Variants in BCAS3 observed in about 807,000 individuals in gnomAD.
BCAS3 encodes BCAS4/BCAS3 fusion.
BCAS3 carries 53 observed loss-of-function variants against 116.1 expected under a neutral mutation model. The observed-to-expected ratio is 0.46, with a 90% CI of 0.37 to 0.57. BCAS3 has a LOEUF of 0.57. Ranked by LOEUF, BCAS3 falls within the 20% of genes least tolerant of loss-of-function variation. BCAS3 has a pLI of 0.00. For missense variants in BCAS3, 917 were observed against 1,165.4 expected (o/e 0.79, Z 3.10); for synonymous variants, 391 against 408.2 (o/e 0.96, Z 0.51).
chr17:60,838,007 A>C (rs9903490), intron 7 of BCAS3, among the ~76,000 whole-genome samples: 33,294 of 152,080 alleles, frequency 0.22, 4,707 homozygotes, highest in African/African-American at 0.41. Flanking sequence ...TAAATTAAAA[A>C]ATTTTAAAGC....
At chr17:60,739,595 G>A (rs1229713993) in intron 5 of BCAS3, among the ~76,000 whole-genome samples, 1 of 151,998 alleles carries the variant, frequency 6.6e-6, no homozygotes, top group African/African-American at 2.4e-5. Context: ...ACTCCAGCCT[G>A]GGCGACAAGA....
chr17:61,060,483 G>GA (rs777200081), intron 19 of BCAS3, among the ~76,000 whole-genome samples: 33 of 151,386 alleles, frequency 2.2e-4, no homozygotes, highest in Middle Eastern at 3.4e-3. Context: ...TGTTATGTGG[G>GA]AAAAAAAACC....
Position 61,078,344 on chromosome 17 carries a change from A to G in BCAS3, c.2142A>G (p.Val714=). 1 of 1,612,316 alleles carries G rather than the reference A, an allele frequency of 6.2e-7. No individual in the cohort carries two copies. Among genetic ancestry groups the G allele is most frequent in the Non-Finnish European group, 8.5e-7 (1 of 1,179,360 alleles). ...DEEWLSQVEI[V]THTGPHRRLW... is the part of the protein sequence containing the mutation. ...CTACTCCATTCCAGGTTGAAATTGT[A>G]ACACACACTGGACCCCATAGACGTC... Residue 714 remains valine (V), a synonymous_variant, in exon 21 of 24, where the codon GTA becomes GTG. Transcript: ENST00000407086.
At chr17:60,745,084 T>TA (rs1160750667) in intron 5 of BCAS3, among the ~76,000 whole-genome samples, 2 of 152,062 alleles carry the variant, frequency 1.3e-5, no homozygotes, top group African/African-American at 4.8e-5. Flanking sequence ...TTCTTTAACA[T>TA]AAAGGTTTTA....
intron 14 of BCAS3, among the ~76,000 whole-genome samples, chr17:60,951,282 A>G (rs1469210894): frequency 6.6e-6 from 1 of 152,130 alleles, no homozygotes; most frequent in Non-Finnish European, 1.5e-5. Context: ...ATATTATGCA[A>G]CTGTAGTAGT....
chr17:61,162,241 G>A lies in BCAS3; in HGVS notation c.2425+77677G>A, dbSNP rs1444570566. 6.6e-6 allele frequency among the ~76,000 whole-genome samples: 1 copy of A among 152,090 alleles called. No homozygotes were observed. The highest frequency in any genetic ancestry group is 1.5e-5 in the Non-Finnish European group (1 of 68,012). On this transcript the variant is annotated intron_variant, in intron 22 of 23. Transcript: ENST00000407086. The surrounding 1 kb of genome is among the most constrained non-coding windows in gnomAD (Gnocchi z 5.6). ...TGGAGCCACGGTTCTTACAGGAGTG[G>A]GTATGGTTCACATAGGAAGTGGGAG...
chr17:61,058,537 C>T (rs1395756085), intron 19 of BCAS3, among the ~76,000 whole-genome samples: 1 of 152,110 alleles, frequency 6.6e-6, no homozygotes, highest in East Asian at 1.9e-4. Flanking sequence ...GCATCATGTA[C>T]ACCTTTAAAT....
At chr17:60,717,318 C>T (rs914049014) in intron 5 of BCAS3, among the ~76,000 whole-genome samples, 3 of 151,286 alleles carry the variant, frequency 2.0e-5, no homozygotes, top group African/African-American at 4.9e-5. Context: ...CAGGTTCAAG[C>T]GATTCTCCTG....
chr17:60,904,847 A>G (rs1248658591), intron 11 of BCAS3, among the ~76,000 whole-genome samples: 3 of 152,050 alleles, frequency 2.0e-5, no homozygotes, highest in Non-Finnish European at 4.4e-5. Flanking sequence ...TTTTTAAAAA[A>G]CTCACAAAGA....
intron 22 of BCAS3, among the ~76,000 whole-genome samples, chr17:61,335,416 T>C (rs1222478897): frequency 6.6e-6 from 1 of 152,224 alleles, no homozygotes; most frequent in Non-Finnish European, 1.5e-5. Flanking sequence ...GGTCTGGGCC[T>C]TTTTTCCAGT....
intron 14 of BCAS3, among the ~76,000 whole-genome samples, chr17:60,959,365 C>T (rs1006972791): frequency 6.6e-6 from 1 of 151,768 alleles, no homozygotes; most frequent in African/African-American, 2.4e-5. Flanking sequence ...TATTCCAAAG[C>T]CCATTAAAGA....
Position 61,205,787 on chromosome 17 carries a change from G to T in BCAS3, c.2425+121223G>T, listed in dbSNP as rs187802618. Among the ~76,000 whole-genome samples, 1 of 152,132 alleles carries T rather than the reference G, an allele frequency of 6.6e-6. No individual in the cohort carries two copies. Among genetic ancestry groups the T allele is most frequent in the African/African-American group, 2.4e-5 (1 of 41,436 alleles). On this transcript the variant is annotated intron_variant, in intron 22 of 23. Transcript: ENST00000407086. This position sits in a 1 kb window ranked among gnomAD's most constrained non-coding sequence, Gnocchi z 5.2. ...AAGTTTCTGAAGCTTTGTAGGAGCC[G>T]CAGAGTGTACCTAGTTTTGCCAGGC...
At chr17:61,270,513 C>G (rs2050151363) in intron 22 of BCAS3, among the ~76,000 whole-genome samples, 1 of 152,078 alleles carries the variant, frequency 6.6e-6, no homozygotes, top group African/African-American at 2.4e-5. Flanking sequence ...ATCAGATACA[C>G]AGTTTGCAGA....
chr17:61,327,027 C>T lies in BCAS3; in HGVS notation c.2426-41300C>T, dbSNP rs569556040. Among the ~76,000 whole-genome samples the T allele has an allele frequency of 4.6e-5, 7 of 152,066 alleles. No homozygotes were observed. Among genetic ancestry groups the T allele is most frequent in the South Asian group, 2.1e-4 (1 of 4,808 alleles). On this transcript the variant is annotated intron_variant, in intron 22 of 23. Transcript: ENST00000407086. This position sits in a 1 kb window ranked among gnomAD's most constrained non-coding sequence, Gnocchi z 5.9. ...TTTTTAATTAAAAAACAAAACAGGC[C>T]GGGCGCGGTGGCTCACACCTGTAAT... is the stretch of plus-strand genomic sequence containing the variant.
chr17:60,731,816 T>C (rs546945416), intron 5 of BCAS3, among the ~76,000 whole-genome samples: 8 of 150,930 alleles, frequency 5.3e-5, no homozygotes, highest in Non-Finnish European at 1.0e-4. Context: ...TCTCATTTTG[T>C]CGCCCAGGCT....
At position 60,956,252 on chromosome 17, in the gene BCAS3, CACTTTCTGAGCTTGTCCTT is replaced by C. The variant is rs1215176667; in HGVS notation, c.1221+8909_1221+8927del. Among the ~76,000 whole-genome samples, 1 of 152,198 alleles carries C rather than the reference CACTTTCTGAGCTTGTCCTT, an allele frequency of 6.6e-6. No individual in the cohort carries two copies. Among genetic ancestry groups the C allele is most frequent in the Non-Finnish European group, 1.5e-5 (1 of 68,034 alleles). ...CTGTGTCCTTTTGACATATCTTCAC[CACTTTCTGAGCTTGTCCTT>C]ACTTTCTGGCACAACTAACTTGCTT... On this transcript the variant is annotated intron_variant, in intron 14 of 23. Transcript: ENST00000407086. This position sits in a 1 kb window ranked among gnomAD's most constrained non-coding sequence, Gnocchi z 4.2.
intron 22 of BCAS3, among the ~76,000 whole-genome samples, chr17:61,146,065 C>G (rs773109862): frequency 2.0e-5 from 3 of 151,978 alleles, no homozygotes; most frequent in Non-Finnish European, 4.4e-5. Context: ...TCATCTACCC[C>G]CCGATAGCTG....
At chr17:60,762,924 T>A (rs146137455) in intron 6 of BCAS3, among the ~76,000 whole-genome samples, 40,578 of 150,630 alleles carry the variant, frequency 0.27, 11,032 homozygotes, top group African/African-American at 0.71. Context: ...CGTCCCTTGT[T>A]AGTTGGATTC....
At chr17:60,770,521 C>G (rs919014427) in intron 6 of BCAS3, among the ~76,000 whole-genome samples, 1 of 141,786 alleles carries the variant, frequency 7.1e-6, no homozygotes, top group African/African-American at 2.5e-5. Context: ...CTGGTTGAAA[C>G]GATTTTCTTG....
Sources: allele counts gnomAD v4.1 joint callset (sites outside exome capture counted in the v4.1 genomes callset), GRCh38; gene constraint gnomAD v4.1.1; non-coding constraint Gnocchi (gnomAD v3.1); transcripts MANE v1.5; gene names NCBI Gene and HGNC (gene_info 2026-07-23, HGNC 2026-07-21).